The following DLG5 variants were observed in gnomAD, a reference collection of about 807,000 sequenced individuals.
DLG5 encodes the protein discs large MAGUK scaffold protein 5, also known as disks large homolog 5.
DLG5 carries 48 observed loss-of-function variants against 189.8 expected under a neutral mutation model. The ratio of observed to expected loss-of-function variants is 0.25; its 90% CI spans 0.20 to 0.32. The LOEUF is 0.32. DLG5 is among the 10% of genes least tolerant of loss of function. DLG5 has a pLI of 1.00. For missense variants in DLG5, 2,160 were observed against 2,544.7 expected (o/e 0.85, Z 3.25); for synonymous variants, 1,016 against 1,054.1 (o/e 0.96, Z 0.70).
chr10:77,807,070 G>A, intron 25 of DLG5, 142 bp from the exon 26 acceptor site: 1 of 910,896 alleles, frequency 1.1e-6, no homozygotes. Context: ...CGAGGGTGGT[G>A]ATTCTCAAAG....
chr10:77,937,874 A>ATTTTTTTT, the DLG5 span, among the ~76,000 whole-genome samples: 1 of 104,130 alleles, frequency 9.6e-6, no homozygotes, highest in Non-Finnish European at 1.9e-5. Context: ...CACTCAGCTA[A>ATTTTTTTT]TTTTTTTTTT....
In DLG5 at chr10:77,821,311, CCGGGGTCCA is replaced by C; in HGVS notation, c.3164_3172del (p.Val1055_Pro1057del). 6.2e-7 allele frequency: 1 copy of C among 1,613,434 alleles called. No homozygotes were observed. The highest frequency in any genetic ancestry group is 8.5e-7 in the Non-Finnish European group (1 of 1,180,038). On this transcript the variant is annotated inframe_deletion, in exon 15 of 32. Coordinates refer to ENST00000372391, the MANE Select transcript of DLG5 (RefSeq NM_004747.4). ...AGGGGGTGATGCGTGCATGGGCTCC[CCGGGGTCCA>C]CGTCAGGGGGCAGGGCGCTCGGGGG...
At chr10:77,830,945 C>T in intron 9 of DLG5, 72 bp from the exon 10 acceptor site, 1 of 1,555,742 alleles carries the variant, frequency 6.4e-7, no homozygotes, top group Admixed American at 1.8e-5. Flanking sequence ...GGCTCTGAAC[C>T]TCACGAGGCA....
At chr10:77,827,370 C>A (rs1487165157) in intron 13 of DLG5, among the ~76,000 whole-genome samples, 1 of 152,042 alleles carries the variant, frequency 6.6e-6, no homozygotes, top group East Asian at 1.9e-4. Flanking sequence ...GGATTACAGG[C>A]ACCCACCACC....
intron 1 of DLG5, among the ~76,000 whole-genome samples, chr10:77,882,777 G>A (rs1252850004): frequency 6.8e-6 from 1 of 147,142 alleles, no homozygotes; most frequent in African/African-American, 2.5e-5. Flanking sequence ...AAAAAAGTCA[G>A]CCTGGTGTGG....
At chr10:77,827,651 G>A (rs2154575837) in intron 13 of DLG5, among the ~76,000 whole-genome samples, 1 of 152,328 alleles carries the variant, frequency 6.6e-6, no homozygotes, top group South Asian at 2.1e-4. Flanking sequence ...TGTGCACACA[G>A]GTAAAGTTCA....
intron 1 of DLG5, among the ~76,000 whole-genome samples, chr10:77,905,660 C>T (rs1846052245): frequency 6.6e-6 from 1 of 152,190 alleles, no homozygotes; most frequent in Admixed American, 6.5e-5. Flanking sequence ...CTGAGGTTGC[C>T]AGCTCAGCCA....
chr10:77,867,533 T>C (rs1844731047), intron 2 of DLG5, among the ~76,000 whole-genome samples: 1 of 152,196 alleles, frequency 6.6e-6, no homozygotes, highest in Admixed American at 6.5e-5. Flanking sequence ...TCCATTGATA[T>C]GTCTCCGGGC....
chr10:77,823,516 T>G (rs934179213), intron 14 of DLG5, among the ~76,000 whole-genome samples: 7 of 147,838 alleles, frequency 4.7e-5, no homozygotes, highest in Admixed American at 3.5e-4. Flanking sequence ...TATCATGACA[T>G]GTCACTTCCC....
intron 2 of DLG5, among the ~76,000 whole-genome samples, chr10:77,857,870 G>C (rs1844312358): frequency 6.6e-6 from 1 of 152,204 alleles, no homozygotes; most frequent in Non-Finnish European, 1.5e-5. Flanking sequence ...ACTCGTGTCA[G>C]GGGACACAGT....
At position 77,807,991 on chromosome 10, in the gene DLG5, C is replaced by G. The variant is rs548119911; in HGVS notation, c.4648-47G>C. The G allele has an allele frequency of 1.5e-5, 24 of 1,609,896 alleles. No homozygotes were observed. In the South Asian group the frequency reaches 2.7e-4, roughly 18 times the overall value. Reference sequence around the variant, plus strand: ...GCATCAGAAGGCAGAAGCCAGGGGGCAGCTTGGGCACCCGAGAGGGGCCAG... The same window carrying G: ...GCATCAGAAGGCAGAAGCCAGGGGGGAGCTTGGGCACCCGAGAGGGGCCAG... On this transcript the variant is annotated intron_variant, in intron 24 of 31. Coordinates refer to ENST00000372391, the MANE Select transcript of DLG5 (RefSeq NM_004747.4).
chr10:77,828,755 G>A (rs1381710900), intron 13 of DLG5, 127 bp downstream of exon 13: 3 of 796,540 alleles, frequency 3.8e-6, no homozygotes, highest in Middle Eastern at 2.3e-4. Flanking sequence ...ATTTTTAAAT[G>A]TTCACATAGT....
At chr10:77,897,378 T>A (rs1003522002) in intron 1 of DLG5, among the ~76,000 whole-genome samples, 4 of 151,696 alleles carry the variant, frequency 2.6e-5, no homozygotes, top group African/African-American at 9.7e-5. Flanking sequence ...AATAAATAAA[T>A]AAATAAATAA....
the DLG5 span, among the ~76,000 whole-genome samples, chr10:77,935,315 G>A: frequency 6.6e-6 from 1 of 152,054 alleles, no homozygotes; most frequent in African/African-American, 2.4e-5. Context: ...TATTGCCTAG[G>A]ACACTGCCCT....
At chr10:77,869,252 C>T (rs1370782238) in intron 1 of DLG5, 55 bp from the exon 2 acceptor site, 2 of 1,530,298 alleles carry the variant, frequency 1.3e-6, no homozygotes, top group African/African-American at 2.8e-5. Context: ...TCGTCTTCAC[C>T]CCAAGCCAGC....
intron 1 of DLG5, among the ~76,000 whole-genome samples, chr10:77,874,522 C>T (rs900129163): frequency 6.6e-6 from 1 of 152,216 alleles, no homozygotes; most frequent in Non-Finnish European, 1.5e-5. Context: ...AATGCAGGCG[C>T]AGGATACAGT....
rs368268867 is a variant in DLG5 at position 77,796,680 on chromosome 10, G to T, written c.5165-86C>A. The T allele has an allele frequency of 6.5e-7, 1 of 1,546,252 alleles. No individual in the cohort carries two copies. The highest frequency in any genetic ancestry group is 8.8e-7 in the Non-Finnish European group (1 of 1,134,018). ...CTGGGGAACCCCGCTCCCTGACCTCGCCCACTCTGGTTTGCCTGGGACTCC... is the reference window on the plus strand; with the variant it reads ...CTGGGGAACCCCGCTCCCTGACCTCTCCCACTCTGGTTTGCCTGGGACTCC... On this transcript the variant is annotated intron_variant, in intron 27 of 31. Transcript: ENST00000372391. The surrounding 1 kb of genome is among the most constrained non-coding windows in gnomAD (Gnocchi z 5.2).
intron 7 of DLG5, among the ~76,000 whole-genome samples, chr10:77,836,583 G>A (rs964537487): frequency 3.3e-5 from 5 of 152,134 alleles, no homozygotes; most frequent in African/African-American, 1.2e-4. Flanking sequence ...CAGACAGCAG[G>A]AGACAGCAGC....
chr10:77,919,494 T>TG (rs1449635876), intron 1 of DLG5, among the ~76,000 whole-genome samples: 3 of 140,006 alleles, frequency 2.1e-5, no homozygotes, highest in South Asian at 2.3e-4. Flanking sequence ...ACTGTTGAAC[T>TG]GGGGGAAAAA....
Sources: gnomAD v4.1 joint callset for allele counts (sites outside exome capture counted in the v4.1 genomes callset) on GRCh38, gnomAD v4.1.1 for gene constraint, Gnocchi (gnomAD v3.1) non-coding constraint, MANE v1.5 for transcripts, NCBI Gene and HGNC (gene_info 2026-07-23, HGNC 2026-07-21) for gene names.